Variants in TOP3A observed in about 807,000 individuals in gnomAD.
TOP3A encodes the protein DNA topoisomerase 3-alpha.
Under a neutral mutation model 111.3 loss-of-function variants are expected in TOP3A, and 64 were observed. The ratio of observed to expected loss-of-function variants is 0.57; its 90% CI spans 0.47 to 0.71. The LOEUF (loss-of-function observed/expected upper bound fraction) is 0.71. Ranked by LOEUF, TOP3A falls within the 30% of genes least tolerant of loss-of-function variation. TOP3A has a pLI of 0.00. For synonymous variants in TOP3A, 484 were observed against 485.1 expected (o/e 1.00, Z 0.03); for missense variants, 1,104 against 1,285.0 (o/e 0.86, Z 2.15).
chr17:18,281,383 G>A (rs1313435074), intron 16 of TOP3A, among the ~76,000 whole-genome samples: 3 of 152,032 alleles, frequency 2.0e-5, no homozygotes, highest in African/African-American at 7.2e-5. Flanking sequence ...TGACCTTCTG[G>A]AGTAACTCAG....
intron 3 of TOP3A, 70 bp downstream of exon 3, chr17:18,308,281 C>A: frequency 3.8e-6 from 3 of 798,854 alleles, no homozygotes; most frequent in South Asian, 4.1e-5. Flanking sequence ...GATCAACATG[C>A]CTCAAAATTC....
chr17:18,288,131 T>TTTTATATATATA (rs143028955), intron 13 of TOP3A, among the ~76,000 whole-genome samples: 6 of 122,710 alleles, frequency 4.9e-5, no homozygotes, highest in African/African-American at 2.0e-4. Context: ...CTGTTAATAA[T>TTTTATATATATA]TATATATATA....
Position 18,303,379 on chromosome 17 carries a change from G to A in TOP3A, c.500-656C>T, listed in dbSNP as rs140038210. ...CTTACAGCCCCCCAGCCCGACACTC[G>A]TAAAGGGTCAGTGCTGAGGAGGATT... On this transcript the variant is annotated intron_variant, in intron 5 of 18. Transcript: ENST00000321105. Among the ~76,000 whole-genome samples the A allele has an allele frequency of 2.0e-3, 301 of 152,280 alleles. 1 individual carries two copies. Among genetic ancestry groups the A allele is most frequent in the Middle Eastern group, 6.8e-3 (2 of 294 alleles).
intron 16 of TOP3A, 66 bp from the exon 17 acceptor site, chr17:18,280,724 C>T: frequency 6.3e-7 from 1 of 1,578,838 alleles, no homozygotes; most frequent in East Asian, 2.3e-5. Context: ...TGGCCATCAG[C>T]TAAGGCAGCC....
intron 1 of TOP3A, among the ~76,000 whole-genome samples, chr17:18,311,462 T>C (rs542191963): frequency 6.6e-6 from 1 of 152,208 alleles, no homozygotes; most frequent in South Asian, 2.1e-4. Context: ...CCTGGCTAAT[T>C]TTTGTATTTT....
At chr17:18,296,917 T>G (rs1166606095) in intron 9 of TOP3A, among the ~76,000 whole-genome samples, 1 of 152,198 alleles carries the variant, frequency 6.6e-6, no homozygotes, top group Non-Finnish European at 1.5e-5. Flanking sequence ...ATATAGCAGA[T>G]TATTTAAAGC....
chr17:18,298,028 G>T (rs578129210), intron 9 of TOP3A, among the ~76,000 whole-genome samples: 1 of 150,916 alleles, frequency 6.6e-6, no homozygotes, highest in African/African-American at 2.5e-5. Context: ...GAGCGTCTCT[G>T]CCCGGCCGCC....
intron 9 of TOP3A, among the ~76,000 whole-genome samples, chr17:18,296,372 T>C (rs1243340572): frequency 6.6e-6 from 1 of 151,930 alleles, no homozygotes; most frequent in East Asian, 1.9e-4. Flanking sequence ...ACAAGTTCAA[T>C]AGATTGAGAC....
chr17:18,294,536 G>A (rs1980674295), intron 10 of TOP3A, among the ~76,000 whole-genome samples, 167 bp downstream of exon 10: 1 of 152,098 alleles, frequency 6.6e-6, no homozygotes, highest in Admixed American at 6.6e-5. Flanking sequence ...CACCATGTTG[G>A]CCAGGATGGT....
rs375993594 is a variant in TOP3A at position 18,302,641 on chromosome 17, G to A, written c.582C>T (p.Thr194=). 3.3e-5 allele frequency: 54 copies of A among 1,613,972 alleles called. No individual in the cohort carries two copies. The highest frequency in any genetic ancestry group is 1.6e-4 in the Middle Eastern group (1 of 6,084). The change falls in exon 6 of 19, where the codon ACC becomes ACT. Residue 194 remains threonine, a synonymous_variant. Transcript: ENST00000321105. Reference sequence around the variant, plus strand: ...CATCGCTCACCCTCTGATCAGGCTCGGTCAGGTTTTCACAAGCTGTCCTGA... The same window carrying A: ...CATCGCTCACCCTCTGATCAGGCTCAGTCAGGTTTTCACAAGCTGTCCTGA... The part of the protein sequence containing the change: ...HAVRTACENL[T]EPDQRVSDAV...
chr17:18,310,270 C>T (rs973568687), intron 1 of TOP3A, among the ~76,000 whole-genome samples: 2 of 151,468 alleles, frequency 1.3e-5, no homozygotes, highest in African/African-American at 2.4e-5. Context: ...ACTAAAAATA[C>T]AAAAAATTAG....
chr17:18,308,615 G>A (rs973553216), intron 2 of TOP3A, 191 bp from the exon 3 acceptor site: 2 of 506,922 alleles, frequency 3.9e-6, no homozygotes, highest in Admixed American at 3.7e-5. Flanking sequence ...ATGATATGGT[G>A]TATAACTGAC....
chr17:18,310,004 C>T (rs1435085774), intron 1 of TOP3A, among the ~76,000 whole-genome samples: 2 of 151,840 alleles, frequency 1.3e-5, no homozygotes. Flanking sequence ...GCCACCACGC[C>T]CAGCGAATGT....
At chr17:18,294,673 A>G in intron 10 of TOP3A, 30 bp downstream of exon 10, 1 of 1,537,396 alleles carries the variant, frequency 6.5e-7, no homozygotes, top group Non-Finnish European at 9.0e-7. Context: ...AAGACGGTTC[A>G]AATTCTACTC....
chr17:18,282,690 G>A lies in TOP3A; in HGVS notation c.2021+8C>T, dbSNP rs201483082. The A allele has an allele frequency of 2.2e-5, 35 of 1,612,828 alleles. No individual in the cohort carries two copies. The Admixed American group carries it at 2.7e-4, about 12-fold the overall frequency. On this transcript the variant is annotated splice_region_variant and intron_variant, in intron 16 of 18. Transcript: ENST00000321105. ...AGCAGAGGTGGGGGCAGAAGGCAGC[G>A]CACTCACCCGCCATTCTTCTTGGTC...
chr17:18,290,901 G>C lies in TOP3A; in HGVS notation c.1408C>G (p.Leu470Val). ...AGATAGTTTCGGGCCAGAATCATGA[G>C]GCCATGGGCCACAAAGCGTTCCTGA... ...IAQERFVAHG[L>V]MILARNYLDV... is the part of the protein sequence containing the mutation. Residue 470 changes from leucine (L) to valine (V), a missense_variant, in exon 12 of 19, where the codon CTC becomes GTC. Leu to Val is a conservative substitution (Grantham distance 32, BLOSUM62 1). Coordinates refer to ENST00000321105, the MANE Select transcript of TOP3A (RefSeq NM_004618.5). 1 of 1,614,214 alleles carries C rather than the reference G, an allele frequency of 6.2e-7. No homozygotes were observed. The highest frequency in any genetic ancestry group is 1.3e-5 in the African/African-American group (1 of 75,042).
chr17:18,304,112 C>T (rs1981409868), intron 5 of TOP3A, among the ~76,000 whole-genome samples: 1 of 151,916 alleles, frequency 6.6e-6, no homozygotes. Flanking sequence ...CTACAGGCGC[C>T]CGCCACCACA....
chr17:18,305,730 C>T lies in TOP3A; in HGVS notation c.391-510G>A, dbSNP rs572017886. 1.4e-4 allele frequency among the ~76,000 whole-genome samples: 22 copies of T among 151,938 alleles called. No individual in the cohort carries two copies. In the East Asian group the frequency reaches 2.1e-3, roughly 15 times the overall value. ...GCAGGCACCTGTAGTCCCAGCTACT[C>T]GGGAAGCTGAGGCAGGAGAATGGCA... On this transcript the variant is annotated intron_variant, in intron 4 of 18. Transcript: ENST00000321105.
intron 13 of TOP3A, among the ~76,000 whole-genome samples, 154 bp from the exon 14 acceptor site, chr17:18,285,674 G>GA (rs1190388608): frequency 1.3e-5 from 2 of 152,158 alleles, no homozygotes; most frequent in Non-Finnish European, 2.9e-5. Context: ...GCTCATTCAA[G>GA]AAATCACAAT....
Sources: gnomAD v4.1 joint callset for allele counts (sites outside exome capture counted in the v4.1 genomes callset) on GRCh38, gnomAD v4.1.1 for gene constraint, MANE v1.5 for transcripts, NCBI Gene and HGNC (gene_info 2026-07-23, HGNC 2026-07-21) for gene names.